The following MIX23 variants were observed in gnomAD, a reference collection of about 807,000 sequenced individuals.
MIX23 encodes mitochondrial matrix import factor 23, also known as protein MIX23.
A neutral mutation model predicts 21.6 loss-of-function variants in MIX23; 13 were observed. The observed-to-expected ratio is 0.60, with a 90% CI of 0.39 to 0.96. The LOEUF is 0.96. MIX23 is among the 40% of genes least tolerant of loss of function. The probability of loss-of-function intolerance (pLI) is 0.00; values close to 1 mark genes in which losing one functional copy is unlikely to be tolerated. For missense variants in MIX23, 144 were observed against 171.2 expected, an observed-to-expected ratio of 0.84 and a Z score of 0.89; for synonymous variants, 59 against 58.0, an observed-to-expected ratio of 1.02 and a Z score of -0.08.
Position 122,372,649 on chromosome 3 carries a change from G to A in MIX23, c.52-849C>T, listed in dbSNP as rs976835609. ...CCAGCCTTAATGACAGACATAGTGA[G>A]ACCCTGTCTCTACAAAAAAAAAATT... On this transcript the variant is annotated intron_variant, in intron 1 of 4. Transcript: ENST00000291458. Among the ~76,000 whole-genome samples the A allele has an allele frequency of 5.9e-5, 9 of 152,068 alleles. No homozygotes were observed. In the South Asian group the frequency reaches 1.7e-3, roughly 28 times the overall value.
intron 4 of MIX23, 102 bp downstream of exon 4, chr3:122,362,866 T>A (rs1165582450): frequency 3.9e-6 from 3 of 759,878 alleles, no homozygotes; most frequent in Non-Finnish European, 6.5e-6. Context: ...ATCTCTACTT[T>A]CCTTACAGCC....
At chr3:122,370,456 C>CAAAAAAAAA (rs10660235) in intron 2 of MIX23, among the ~76,000 whole-genome samples, 2 of 48,272 alleles carry the variant, frequency 4.1e-5, no homozygotes, top group African/African-American at 9.5e-5. Context: ...GACACTGTCT[C>CAAAAAAAAA]AAAAAAAAAA....
chr3:122,365,534 A>G (rs1160148483), intron 3 of MIX23: 1 of 152,158 alleles, frequency 6.6e-6, no homozygotes, highest in Non-Finnish European at 1.5e-5. Context: ...GTTACCCCCA[A>G]CCCTATATGT....
chr3:122,366,155 G>A (rs1480993141), intron 3 of MIX23, among the ~76,000 whole-genome samples: 2 of 151,080 alleles, frequency 1.3e-5, no homozygotes, highest in Non-Finnish European at 2.9e-5. Context: ...TCCAGCCCAG[G>A]CGATAGTGCG....
rs1448681310 is a variant in MIX23, at chr3:122,368,224, A to G, written c.276T>C (p.Asn92=). The G allele has an allele frequency of 1.2e-6, 2 of 1,610,322 alleles. No individual in the cohort carries two copies. Among genetic ancestry groups the G allele is most frequent in the South Asian group, 1.1e-5 (1 of 90,986 alleles). Residue 92 remains asparagine, a synonymous_variant, in exon 3 of 5, where the codon AAT becomes AAC. Coordinates refer to ENST00000291458, the MANE Select transcript of MIX23 (RefSeq NM_001017928.4). ...GTTTTAATAACGTTAAATCGTCCAA[A>G]TTCTTTTCTCTCTCTTCTCGGAGGT... ...VKNLREEREK[N]LDDLTLLKQL...
At chr3:122,383,055 A>G in intron 1 of MIX23, 119 bp downstream of exon 1, 1 of 1,371,014 alleles carries the variant, frequency 7.3e-7, no homozygotes, top group East Asian at 2.3e-5. Context: ...ATGGCTCGAG[A>G]AAAGAGCTTT....
In MIX23 at chr3:122,369,906, C is replaced by A. The variant is rs117106137; in HGVS notation, c.178-1584G>T. The stretch of plus-strand genomic sequence containing the variant: ...CTGGGACTATAGGCGCACACCACTA[C>A]GTCCAGCTAATTTTTGTATTTTTTG... On this transcript the variant is annotated intron_variant, in intron 2 of 4. Transcript: ENST00000291458. Among the ~76,000 whole-genome samples the A allele has an allele frequency of 2.0e-5, 3 of 152,222 alleles. No homozygotes were observed. The East Asian group carries it at 5.8e-4, about 30-fold the overall frequency.
At chr3:122,368,422 C>T (rs943564935) in intron 2 of MIX23, 100 bp from the exon 3 acceptor site, 11 of 1,154,546 alleles carry the variant, frequency 9.5e-6, no homozygotes, top group Non-Finnish European at 1.3e-5. Context: ...AAATTCAATA[C>T]TTTCTAAAAC....
chr3:122,374,881 T>C (rs1296120293), intron 1 of MIX23, among the ~76,000 whole-genome samples: 2 of 152,142 alleles, frequency 1.3e-5, no homozygotes, highest in Non-Finnish European at 1.5e-5. Context: ...GAGTGGTGCT[T>C]GGGGGCTACT....
chr3:122,368,422 CT>C, intron 2 of MIX23, 100 bp from the exon 3 acceptor site: 1 of 1,154,546 alleles, frequency 8.7e-7, no homozygotes, highest in Non-Finnish European at 1.2e-6. Flanking sequence ...AAATTCAATA[CT>C]TTCTAAAACA....
intron 1 of MIX23, among the ~76,000 whole-genome samples, chr3:122,381,415 T>G (rs1045872813): frequency 6.6e-6 from 1 of 152,124 alleles, no homozygotes; most frequent in Admixed American, 6.5e-5. Flanking sequence ...CCGATAGAAC[T>G]GATGTCCCTA....
intron 1 of MIX23, among the ~76,000 whole-genome samples, chr3:122,378,801 T>C (rs1467283767): frequency 6.6e-6 from 1 of 152,222 alleles, no homozygotes; most frequent in African/African-American, 2.4e-5. Flanking sequence ...ATTATCAATA[T>C]ATGATCTAGA....
At chr3:122,371,524 T>C (rs917908725) in intron 2 of MIX23, 151 bp downstream of exon 2, 1 of 830,184 alleles carries the variant, frequency 1.2e-6, no homozygotes, top group Non-Finnish European at 1.9e-6. Flanking sequence ...TAATGTGTAG[T>C]AACCAGATCA....
At chr3:122,368,568 T>C (rs9843441) in intron 2 of MIX23, among the ~76,000 whole-genome samples, 4,246 of 152,212 alleles carry the variant, frequency 0.028, 208 homozygotes, top group African/African-American at 0.096. Context: ...ATGCTCCTGG[T>C]ATTGACTTCA....
At chr3:122,383,039 C>A in intron 1 of MIX23, 135 bp downstream of exon 1, 1 of 1,189,206 alleles carries the variant, frequency 8.4e-7, no homozygotes, top group Non-Finnish European at 1.3e-6. Flanking sequence ...CCCCCCATGA[C>A]CTCCAATGGC....
At chr3:122,372,530 T>C (rs778006831) in intron 1 of MIX23, among the ~76,000 whole-genome samples, 2 of 152,032 alleles carry the variant, frequency 1.3e-5, no homozygotes, top group South Asian at 2.1e-4. Flanking sequence ...TTAAAAAGCA[T>C]CAAGAAAATG....
At chr3:122,371,847 T>G in intron 1 of MIX23, 47 bp from the exon 2 acceptor site, 1 of 1,468,944 alleles carries the variant, frequency 6.8e-7, no homozygotes, top group Non-Finnish European at 9.3e-7. Flanking sequence ...GGAAAGTTAG[T>G]GACAAAAAAT....
intron 4 of MIX23, among the ~76,000 whole-genome samples, chr3:122,361,583 T>G (rs1455428139): frequency 6.6e-6 from 1 of 152,196 alleles, no homozygotes; most frequent in African/African-American, 2.4e-5. Context: ...AAACTAATAT[T>G]AAATTCAAAA....
chr3:122,366,297 C>T (rs953002784), intron 3 of MIX23, among the ~76,000 whole-genome samples: 1 of 152,108 alleles, frequency 6.6e-6, no homozygotes, highest in Non-Finnish European at 1.5e-5. Flanking sequence ...CCAAGGGATC[C>T]ACCAGTGCCT....
Sources: allele counts gnomAD v4.1 joint callset (sites outside exome capture counted in the v4.1 genomes callset), GRCh38; gene constraint gnomAD v4.1.1; transcripts MANE v1.5; gene names NCBI Gene and HGNC (gene_info 2026-07-23, HGNC 2026-07-21).